The following PRR14L variants were observed in gnomAD, a reference collection of about 807,000 sequenced individuals.
PRR14L encodes proline rich 14 like, also known as protein PRR14L.
PRR14L carries 80 observed loss-of-function variants against 155.0 expected under a neutral mutation model. That is an observed-to-expected ratio of 0.52 (90% CI 0.43 to 0.62). The LOEUF is 0.62. Among genes scored for constraint, PRR14L ranks in the 20% least tolerant of loss-of-function variants. The pLI, the probability that PRR14L is intolerant of heterozygous loss-of-function variation, is 0.00. For missense variants in PRR14L, 2,469 were observed against 2,548.0 expected, an observed-to-expected ratio of 0.97 and a Z score of 0.67; for synonymous variants, 883 against 916.0, an observed-to-expected ratio of 0.96 and a Z score of 0.65.
intron 7 of PRR14L, among the ~76,000 whole-genome samples, chr22:31,691,892 G>T (rs1343031456): frequency 6.7e-6 from 1 of 149,560 alleles, no homozygotes; most frequent in Admixed American, 6.7e-5. Context: ...TTTTGAGACA[G>T]AGTCTTGCTC....
rs2074654633 is a variant in PRR14L at position 31,715,729 on chromosome 22, T to C, written c.2110A>G (p.Ile704Val). 16 of 1,552,284 alleles carry C rather than the reference T, an allele frequency of 1.0e-5. No individual in the cohort carries two copies. Among genetic ancestry groups the C allele is most frequent in the Non-Finnish European group, 1.2e-5 (14 of 1,147,078 alleles). The change falls in exon 4 of 9, where the codon ATA becomes GTA. Residue 704 changes from isoleucine to valine, a missense_variant. By Grantham distance (29) the Ile-to-Val change is conservative (BLOSUM62 3). Around this residue, in one of 2 missense-constraint regions of PRR14L, gnomAD observed 2,363 missense variants for 2,371.6 expected, o/e 1.00. Transcript: ENST00000327423. ...TTTGTCTGAATGGGAATGGTTTGTA[T>C]ATCAGCAATGACATCTGCTCTACCC... ...LEGRADVIAD[I>V]QTIPIQTKIK...
intron 1 of PRR14L, among the ~76,000 whole-genome samples, chr22:31,744,238 T>C (rs2074826705): frequency 6.6e-6 from 1 of 151,602 alleles, no homozygotes; most frequent in African/African-American, 2.4e-5. Flanking sequence ...GTTCAAGAGA[T>C]TCTCCCGCCC....
chr22:31,738,640 C>G lies in PRR14L; in HGVS notation c.221G>C (p.Ser74Thr). 1 of 1,552,160 alleles carries G rather than the reference C, an allele frequency of 6.4e-7. No homozygotes were observed. The highest frequency in any genetic ancestry group is 8.7e-7 in the Non-Finnish European group (1 of 1,147,094). Residue 74 changes from serine to threonine, a missense_variant, in exon 2 of 9, where the codon AGT becomes ACT. Ser to Thr is a moderately conservative substitution (Grantham distance 58). Transcript: ENST00000327423. ...PLELQRTHVE[S>T]CCEETYETLD... is the part of the protein sequence containing the mutation. ...GGTCTCATAGGTTTCTTCACAACAA[C>G]TCTCCACATGAGTCCTCTGCAGCTC...
chr22:31,702,203 C>T (rs759101989), intron 6 of PRR14L, among the ~76,000 whole-genome samples: 1 of 141,488 alleles, frequency 7.1e-6, no homozygotes, highest in Non-Finnish European at 1.5e-5. Context: ...AAAGCTCCCA[C>T]TTCTATTCCT....
At chr22:31,689,553 C>A (rs767738827) in intron 7 of PRR14L, among the ~76,000 whole-genome samples, 6 of 152,118 alleles carry the variant, frequency 3.9e-5, no homozygotes, top group Non-Finnish European at 8.8e-5. Flanking sequence ...TTCCTGATCA[C>A]CACTATCTAA....
intron 3 of PRR14L, among the ~76,000 whole-genome samples, chr22:31,722,012 C>T (rs1361268490): frequency 6.6e-6 from 1 of 152,078 alleles, no homozygotes; most frequent in Non-Finnish European, 1.5e-5. Context: ...ACACTGAAGT[C>T]CTCCCACTCA....
intron 7 of PRR14L, among the ~76,000 whole-genome samples, chr22:31,690,917 G>A (rs745421939): frequency 1.3e-5 from 2 of 151,318 alleles, no homozygotes; most frequent in African/African-American, 4.9e-5. Context: ...TGGGATTACA[G>A]CTGTGAGCCA....
chr22:31,693,861 T>A (rs1165377808), intron 7 of PRR14L, among the ~76,000 whole-genome samples: 2 of 152,248 alleles, frequency 1.3e-5, no homozygotes, highest in Non-Finnish European at 2.9e-5. Flanking sequence ...TTTATTTTGA[T>A]TATTCAATTT....
rs201356933 is a variant in PRR14L at position 31,715,090 on chromosome 22, A to G, written c.2749T>C (p.Cys917Arg). The change falls in exon 4 of 9, where the codon TGT becomes CGT. Residue 917 changes from cysteine to arginine, a missense_variant. Physicochemically the swap from Cys to Arg is radical, Grantham distance 180. Coordinates refer to ENST00000327423, the MANE Select transcript of PRR14L (RefSeq NM_173566.3). ...EQDVSKETVF[C>R]KYNISDHAIQ... ...GCATGATCAGAGATGTTATACTTAC[A>G]AAATACAGTTTCTTTGGATACATCC... 3.9e-6 allele frequency: 6 copies of G among 1,551,716 alleles called. No homozygotes were observed. The highest frequency in any genetic ancestry group is 5.2e-6 in the Non-Finnish European group (6 of 1,147,016).
At chr22:31,747,030 T>A (rs1288454554) in intron 1 of PRR14L, among the ~76,000 whole-genome samples, 8 of 152,112 alleles carry the variant, frequency 5.3e-5, no homozygotes, top group African/African-American at 1.9e-4. Flanking sequence ...GGTCTTGATC[T>A]CCTGACCTTG....
At chr22:31,745,738 T>G in intron 1 of PRR14L, among the ~76,000 whole-genome samples, 1 of 151,430 alleles carries the variant, frequency 6.6e-6, no homozygotes, top group Non-Finnish European at 1.5e-5. Context: ...TCTCAGCTAC[T>G]TGGGAGGCTA....
intron 4 of PRR14L, 106 bp downstream of exon 4, chr22:31,711,977 C>G (rs1241868218): frequency 9.4e-7 from 1 of 1,068,910 alleles, no homozygotes; most frequent in East Asian, 2.4e-5. Flanking sequence ...AATGCAGACC[C>G]AAGAGGACTC....
chr22:31,717,121 T>C lies in PRR14L; in HGVS notation c.718A>G (p.Ser240Gly). The change falls in exon 4 of 9, where the codon AGT becomes GGT. Residue 240 changes from serine (S) to glycine (G), a missense_variant. By Grantham distance (56) the Ser-to-Gly change is moderately conservative. Around this residue, in one of 2 missense-constraint regions of PRR14L, gnomAD observed 2,363 missense variants for 2,371.6 expected, o/e 1.00. Coordinates refer to ENST00000327423, the MANE Select transcript of PRR14L (RefSeq NM_173566.3). Reference protein sequence around the residue: ...EFQEVDKIMTSDEVSETSTLV... With the variant: ...EFQEVDKIMTGDEVSETSTLV... ...GTGCTGGTTTCTGAAACCTCATCAC[T>C]GGTCATGATTTTGTCTACTTCTTGG... 1 of 1,552,216 alleles carries C rather than the reference T, an allele frequency of 6.4e-7. No homozygotes were observed. Among genetic ancestry groups the C allele is most frequent in the Non-Finnish European group, 8.7e-7 (1 of 1,147,124 alleles).
chr22:31,689,474 T>C (rs948585768), intron 7 of PRR14L, among the ~76,000 whole-genome samples: 2 of 152,214 alleles, frequency 1.3e-5, no homozygotes, highest in Admixed American at 6.5e-5. Flanking sequence ...GGAGCCCAGG[T>C]TCACCTATCA....
At chr22:31,697,546 T>C (rs1236811465) in intron 7 of PRR14L, among the ~76,000 whole-genome samples, 2 of 152,140 alleles carry the variant, frequency 1.3e-5, no homozygotes, top group Non-Finnish European at 2.9e-5. Flanking sequence ...ATTAACAATA[T>C]GTCATCACTT....
chr22:31,700,499 G>A (rs2074557655), intron 7 of PRR14L, among the ~76,000 whole-genome samples: 1 of 152,160 alleles, frequency 6.6e-6, no homozygotes, highest in African/African-American at 2.4e-5. Context: ...TATTTTATTC[G>A]TGTTGTGTGA....
chr22:31,694,078 A>G (rs974354652), intron 7 of PRR14L, among the ~76,000 whole-genome samples: 2 of 152,198 alleles, frequency 1.3e-5, no homozygotes, highest in African/African-American at 4.8e-5. Flanking sequence ...GGAGTTTGAG[A>G]CCAGCCTGGC....
intron 2 of PRR14L, among the ~76,000 whole-genome samples, chr22:31,732,121 A>G (rs1461355679): frequency 3.3e-5 from 5 of 152,098 alleles, no homozygotes; most frequent in East Asian, 1.9e-4. Flanking sequence ...TCCCATGTGT[A>G]CTTGTGTATA....
At chr22:31,695,452 C>T (rs2074530963) in intron 7 of PRR14L, among the ~76,000 whole-genome samples, 1 of 152,156 alleles carries the variant, frequency 6.6e-6, no homozygotes, top group Admixed American at 6.6e-5. Context: ...CTTCTCTGCC[C>T]TAGTGGTGCG....
Sources: allele counts gnomAD v4.1 joint callset (sites outside exome capture counted in the v4.1 genomes callset), GRCh38; gene constraint gnomAD v4.1.1; regional missense constraint gnomAD v4.1.1; transcripts MANE v1.5; gene names NCBI Gene and HGNC (gene_info 2026-07-23, HGNC 2026-07-21).